DCDC2: variants seen among roughly 807,000 people sequenced by gnomAD.
DCDC2 encodes doublecortin domain-containing protein 2.
A neutral mutation model predicts 50.2 loss-of-function variants in DCDC2; 40 were observed. The observed-to-expected ratio is 0.80, with a 90% CI of 0.62 to 1.04. The LOEUF is 1.04. Ranked by LOEUF, DCDC2 falls within the 50% of genes least tolerant of loss-of-function variation. The pLI is 0.00. For missense variants in DCDC2, 570 were observed against 581.9 expected (o/e 0.98, Z 0.21); for synonymous variants, 234 against 210.6 (o/e 1.11, Z -0.96).
At chr6:24,254,188 T>C (rs1762848811) in intron 7 of DCDC2, among the ~76,000 whole-genome samples, 1 of 152,194 alleles carries the variant, frequency 6.6e-6, no homozygotes, top group Non-Finnish European at 1.5e-5. Flanking sequence ...TCATCTCCTA[T>C]GATAATAATG....
rs141421587 is a variant in DCDC2 at position 24,179,879 on chromosome 6, G to A, written c.1024-1247C>T. On this transcript the variant is annotated intron_variant, in intron 8 of 9. Coordinates refer to ENST00000378454, the MANE Select transcript of DCDC2 (RefSeq NM_016356.5). ...TGAGGCAGGAGAATTGCATGAACCC[G>A]GGAGGCAGAGCTTGCAGTGAGCCCA... Among the ~76,000 whole-genome samples, 281 of 147,832 alleles carry A rather than the reference G, an allele frequency of 1.9e-3. 1 individual carries two copies. Among genetic ancestry groups the A allele is most frequent in the Admixed American group, 0.01 (153 of 14,700 alleles).
upstream of DCDC2, among the ~76,000 whole-genome samples, chr6:24,361,703 G>T (rs1760668079): frequency 6.6e-6 from 1 of 152,128 alleles, no homozygotes; most frequent in Admixed American, 6.6e-5. Flanking sequence ...ATGAAAATGT[G>T]GCCTCTTATT....
chr6:24,333,625 A>G (rs1760006386), intron 2 of DCDC2, among the ~76,000 whole-genome samples: 1 of 152,252 alleles, frequency 6.6e-6, no homozygotes, highest in Non-Finnish European at 1.5e-5. Flanking sequence ...ACATTGATGT[A>G]AAGTCTTGCA....
At chr6:24,359,403 TTTTATATATTATATA>T (rs1339343382), upstream of DCDC2, among the ~76,000 whole-genome samples, 3,480 of 75,010 alleles carry the variant, frequency 0.046, 279 homozygotes, top group East Asian at 0.21. Flanking sequence ...ATTATATATA[TTTTATATATTATATA>T]TTATATATAT....
At chr6:24,337,863 C>T (rs1420135845) in intron 2 of DCDC2, among the ~76,000 whole-genome samples, 2 of 151,510 alleles carry the variant, frequency 1.3e-5, no homozygotes, top group African/African-American at 2.4e-5. Flanking sequence ...GGATTCACTT[C>T]CTAATTCTTT....
At chr6:24,187,805 A>G (rs1185209576) in intron 8 of DCDC2, among the ~76,000 whole-genome samples, 1 of 152,202 alleles carries the variant, frequency 6.6e-6, no homozygotes, top group Non-Finnish European at 1.5e-5. Context: ...AGAGCTTGCC[A>G]GGTACCCAGT....
At chr6:24,180,216 A>C (rs1249505922) in intron 8 of DCDC2, among the ~76,000 whole-genome samples, 1 of 152,170 alleles carries the variant, frequency 6.6e-6, no homozygotes, top group Non-Finnish European at 1.5e-5. Flanking sequence ...CCCATTTGTT[A>C]CAATACATTC....
intron 7 of DCDC2, among the ~76,000 whole-genome samples, chr6:24,256,649 C>G (rs1224541039): frequency 2.0e-5 from 3 of 152,030 alleles, no homozygotes; most frequent in Non-Finnish European, 2.9e-5. Flanking sequence ...ACAATTGTCC[C>G]TTTATAAAAA....
intron 8 of DCDC2, among the ~76,000 whole-genome samples, chr6:24,196,783 T>A (rs762401172): frequency 1.2e-4 from 18 of 152,188 alleles, no homozygotes; most frequent in Non-Finnish European, 2.2e-4. Flanking sequence ...ATAAAAATCC[T>A]TAGTCCAGTG....
chr6:24,252,722 CAG>C (rs1762817820), intron 7 of DCDC2, among the ~76,000 whole-genome samples: 1 of 152,158 alleles, frequency 6.6e-6, no homozygotes, highest in South Asian at 2.1e-4. Flanking sequence ...TACACTGACA[CAG>C]CACTCAGCAG....
chr6:24,291,120 C>T (rs370667910), intron 4 of DCDC2, 42 bp from the exon 5 acceptor site: 10 of 1,572,854 alleles, frequency 6.4e-6, no homozygotes, highest in Non-Finnish European at 7.8e-6. Context: ...TTTTAACCAA[C>T]ATTTAAAGAA....
intron 2 of DCDC2, 79 bp downstream of exon 2, chr6:24,353,490 G>T: frequency 1.2e-6 from 1 of 868,536 alleles, no homozygotes; most frequent in Non-Finnish European, 1.9e-6. Context: ...GTAGAATGCC[G>T]TCCAAATCTC....
intron 7 of DCDC2, among the ~76,000 whole-genome samples, chr6:24,207,944 C>A (rs927962740): frequency 1.3e-5 from 2 of 152,158 alleles, no homozygotes; most frequent in African/African-American, 4.8e-5. Context: ...AATGCTTCTT[C>A]TACTTCATTT....
chr6:24,374,326 G>A, the DCDC2 span, among the ~76,000 whole-genome samples: 7 of 151,940 alleles, frequency 4.6e-5, no homozygotes, highest in East Asian at 1.9e-4. Flanking sequence ...CCAGTACTTC[G>A]GGAGGCCAAG....
At chr6:24,262,165 T>A (rs1296808897) in intron 7 of DCDC2, among the ~76,000 whole-genome samples, 2 of 124,316 alleles carry the variant, frequency 1.6e-5, no homozygotes, top group African/African-American at 6.2e-5. Flanking sequence ...CGAGAGAGAA[T>A]CTGTGTGCTT....
intron 6 of DCDC2, among the ~76,000 whole-genome samples, chr6:24,279,590 GAAAAAAGA>G (rs1205158302): frequency 6.6e-6 from 1 of 151,790 alleles, no homozygotes. Flanking sequence ...CTAACAAAAA[GAAAAAAGA>G]GAAAAAGAAC....
At chr6:24,288,508 T>C (rs186081626) in intron 6 of DCDC2, among the ~76,000 whole-genome samples, 8 of 152,364 alleles carry the variant, frequency 5.3e-5, no homozygotes, top group Admixed American at 5.2e-4. Flanking sequence ...AACTTCCCTT[T>C]TAGTCTTCGT....
chr6:24,186,798 C>T (rs887501170), intron 8 of DCDC2, among the ~76,000 whole-genome samples: 4 of 152,188 alleles, frequency 2.6e-5, no homozygotes, highest in African/African-American at 9.6e-5. Flanking sequence ...GGGGGCTGAA[C>T]TGTACCCTCC....
intron 8 of DCDC2, among the ~76,000 whole-genome samples, chr6:24,190,685 C>T (rs752018936): frequency 2.6e-5 from 4 of 152,110 alleles, no homozygotes; most frequent in Non-Finnish European, 4.4e-5. Context: ...ACAAACGTGA[C>T]GCCACAAAAA....
Sources: allele counts gnomAD v4.1 joint callset (sites outside exome capture counted in the v4.1 genomes callset), GRCh38; gene constraint gnomAD v4.1.1; transcripts MANE v1.5; gene names NCBI Gene and HGNC (gene_info 2026-07-23, HGNC 2026-07-21).